SNTG1: variants seen among roughly 807,000 people sequenced by gnomAD.
SNTG1 encodes syntrophin gamma 1.
In SNTG1, 39 loss-of-function variants were observed where a neutral mutation model predicts 74.7. The observed-to-expected ratio is 0.52, with a 90% CI of 0.40 to 0.68. The LOEUF (loss-of-function observed/expected upper bound fraction) is 0.68. Among genes scored for constraint, SNTG1 ranks in the 30% least tolerant of loss-of-function variants. The pLI is 0.00. For missense variants in SNTG1, 685 were observed against 609.5 expected (o/e 1.12, Z -1.30); for synonymous variants, 254 against 217.1 (o/e 1.17, Z -1.49).
intron 13 of SNTG1, among the ~76,000 whole-genome samples, chr8:50,594,783 A>C (rs554019899): frequency 6.6e-6 from 1 of 152,320 alleles, no homozygotes; most frequent in Non-Finnish European, 1.5e-5. Flanking sequence ...AAATAGAATC[A>C]ACTTTTAACA....
intron 17 of SNTG1, among the ~76,000 whole-genome samples, chr8:50,724,534 T>C (rs2095495458): frequency 6.6e-6 from 1 of 152,178 alleles, no homozygotes; most frequent in Admixed American, 6.6e-5. Flanking sequence ...CTCTAAAATA[T>C]AAACATATAC....
rs867536181 is a variant in SNTG1, at chr8:50,617,415, T to C, written c.849+26498T>C. Among the ~76,000 whole-genome samples the C allele has an allele frequency of 5.8e-3, 804 of 137,550 alleles. 7 individuals are homozygous for C. The highest frequency in any genetic ancestry group is 0.021 in the African/African-American group (750 of 36,356). The allele number at this position is 137,550 out of a possible 152,430, so 90.2% of individuals were successfully genotyped here. On this transcript the variant is annotated intron_variant, in intron 13 of 18. Coordinates refer to ENST00000642720, the MANE Select transcript of SNTG1 (RefSeq NM_018967.5). ...ACACACACACACACACACACACACA[T>C]AAATAACGAAAAACAAGAAAAATAA...
chr8:50,459,517 A>AT (rs541653054), intron 8 of SNTG1, among the ~76,000 whole-genome samples: 5 of 152,088 alleles, frequency 3.3e-5, no homozygotes, highest in South Asian at 2.1e-4. Context: ...AATGATATAC[A>AT]TTTTTTCTTT....
At chr8:50,232,139 A>C (rs974452974) in intron 2 of SNTG1, among the ~76,000 whole-genome samples, 2 of 151,478 alleles carry the variant, frequency 1.3e-5, no homozygotes, top group African/African-American at 2.4e-5. Context: ...CAAAACAAGA[A>C]AAGGCAAAAA....
At chr8:49,995,390 TAGAGAA>T (rs1814108779) in intron 1 of SNTG1, among the ~76,000 whole-genome samples, 3 of 152,190 alleles carry the variant, frequency 2.0e-5, no homozygotes, top group Non-Finnish European at 2.9e-5. Flanking sequence ...TGTTTGAGAA[TAGAGAA>T]ATTGTTCTGA....
rs566502735 is a variant in SNTG1 at position 50,775,160 on chromosome 8, C to T, written c.1396-17511C>T. On this transcript the variant is annotated intron_variant, in intron 18 of 18. Transcript: ENST00000642720. ...TTAAAAGCAAATATATTAAATATTT[C>T]GACCAAAGGCAGAGATTAACATAAT... Among the ~76,000 whole-genome samples the T allele has an allele frequency of 1.1e-3, 167 of 151,350 alleles. 2 individuals are homozygous for T. The highest frequency in any genetic ancestry group is 6.8e-3 in the Middle Eastern group (2 of 294).
chr8:49,940,292 G>A (rs933063679), intron 1 of SNTG1, among the ~76,000 whole-genome samples: 34 of 152,146 alleles, frequency 2.2e-4, no homozygotes, highest in Non-Finnish European at 7.3e-5. Flanking sequence ...CAGCACCCAG[G>A]CGGTATTGTA....
chr8:50,214,065 C>T (rs547022191), intron 2 of SNTG1, among the ~76,000 whole-genome samples: 1 of 151,646 alleles, frequency 6.6e-6, no homozygotes, highest in Non-Finnish European at 1.5e-5. Context: ...GGTTTAAGGT[C>T]TAATTTGCAG....
chr8:50,583,201 G>A (rs1408574630), intron 12 of SNTG1, among the ~76,000 whole-genome samples: 1 of 151,718 alleles, frequency 6.6e-6, no homozygotes, highest in Admixed American at 6.6e-5. Flanking sequence ...CCAGGAGTTC[G>A]AGACCAACCT....
chr8:50,147,603 T>C (rs1033801531), intron 1 of SNTG1, among the ~76,000 whole-genome samples: 1 of 152,130 alleles, frequency 6.6e-6, no homozygotes, highest in Non-Finnish European at 1.5e-5. Context: ...CTTGACCAAA[T>C]TGATTCAGCA....
chr8:50,237,382 G>A lies in SNTG1; in HGVS notation c.-28+64747G>A, dbSNP rs190219727. Among the ~76,000 whole-genome samples the A allele has an allele frequency of 7.8e-4, 119 of 152,136 alleles. 2 individuals are homozygous for A. Among genetic ancestry groups the A allele is most frequent in the African/African-American group, 1.1e-3 (44 of 41,546 alleles). The stretch of plus-strand genomic sequence containing the variant: ...ATGTCATGTACATCTATCAGATGCC[G>A]TGTGTTAACTTTCTCTCTTTTCATG... On this transcript the variant is annotated intron_variant, in intron 2 of 18. Coordinates refer to ENST00000642720, the MANE Select transcript of SNTG1 (RefSeq NM_018967.5).
At chr8:50,055,656 T>C (rs1227977549) in intron 1 of SNTG1, among the ~76,000 whole-genome samples, 1 of 152,070 alleles carries the variant, frequency 6.6e-6, no homozygotes, top group African/African-American at 2.4e-5. Flanking sequence ...CTGTAAAGCA[T>C]GCCAATTGAG....
At chr8:50,274,527 T>C (rs1418947524) in intron 2 of SNTG1, among the ~76,000 whole-genome samples, 2 of 152,192 alleles carry the variant, frequency 1.3e-5, no homozygotes, top group Non-Finnish European at 2.9e-5. Context: ...TTTCAATTTG[T>C]ATATTTTAAA....
At chr8:50,045,189 C>T (rs1294699543) in intron 1 of SNTG1, among the ~76,000 whole-genome samples, 1 of 152,122 alleles carries the variant, frequency 6.6e-6, no homozygotes, top group Non-Finnish European at 1.5e-5. Flanking sequence ...TGTTCTTTGC[C>T]TTACTATAAA....
chr8:50,136,922 T>G (rs1300743032), intron 1 of SNTG1, among the ~76,000 whole-genome samples: 2 of 151,950 alleles, frequency 1.3e-5, no homozygotes, highest in East Asian at 3.9e-4. Context: ...CCAACACATT[T>G]TAACTCTCTG....
intron 8 of SNTG1, 141 bp downstream of exon 8, chr8:50,450,870 A>AT (rs919212266): frequency 3.9e-5 from 25 of 639,126 alleles, no homozygotes; most frequent in African/African-American, 7.0e-5. Flanking sequence ...TGTTCTCTTA[A>AT]TTTTTTTTTA....
chr8:50,673,024 T>C (rs1258255884), intron 15 of SNTG1, among the ~76,000 whole-genome samples: 1 of 152,028 alleles, frequency 6.6e-6, no homozygotes, highest in Non-Finnish European at 1.5e-5. Flanking sequence ...CTGAAGTCTC[T>C]GTTCTGTTCC....
At chr8:50,102,965 T>A (rs13267875) in intron 1 of SNTG1, among the ~76,000 whole-genome samples, 23,509 of 150,858 alleles carry the variant, frequency 0.16, 2,165 homozygotes, top group Middle Eastern at 0.27. Flanking sequence ...TACTGTAGCC[T>A]TGTAGTATAG....
At chr8:50,651,595 T>A (rs2095146867) in intron 13 of SNTG1, among the ~76,000 whole-genome samples, 1 of 150,712 alleles carries the variant, frequency 6.6e-6, no homozygotes, top group Non-Finnish European at 1.5e-5. Context: ...GTAGCTGGGA[T>A]TACAGGCATG....
Sources: allele counts gnomAD v4.1 joint callset (sites outside exome capture counted in the v4.1 genomes callset), GRCh38; gene constraint gnomAD v4.1.1; transcripts MANE v1.5; gene names NCBI Gene and HGNC (gene_info 2026-07-23, HGNC 2026-07-21).